ACVR1: variants seen among roughly 807,000 people sequenced by gnomAD.
ACVR1 encodes the protein activin A receptor type 1.
Under a neutral mutation model 57.1 loss-of-function variants are expected in ACVR1, and 38 were observed. The observed-to-expected ratio is 0.67, with a 90% CI of 0.51 to 0.87. The LOEUF (loss-of-function observed/expected upper bound fraction) is 0.87. Ranked by LOEUF, ACVR1 falls within the 40% of genes least tolerant of loss-of-function variation. The pLI, the probability that ACVR1 is intolerant of heterozygous loss-of-function variation, is 0.00. For synonymous variants in ACVR1, 212 were observed against 228.1 expected, an observed-to-expected ratio of 0.93 and a Z score of 0.63; for missense variants, 463 against 638.2, an observed-to-expected ratio of 0.73 and a Z score of 2.96.
At chr2:157,764,946 TA>T (rs1231296823) in intron 8 of ACVR1, among the ~76,000 whole-genome samples, 1 of 152,140 alleles carries the variant, frequency 6.6e-6, no homozygotes, top group East Asian at 1.9e-4. Context: ...CCCTTATGTT[TA>T]AAAACAAACA....
chr2:157,816,269 T>C (rs1396499376), intron 2 of ACVR1, among the ~76,000 whole-genome samples: 2 of 152,188 alleles, frequency 1.3e-5, no homozygotes, highest in African/African-American at 4.8e-5. Context: ...TATATATGGC[T>C]ATACTTTATA....
At chr2:157,773,822 TTC>T (rs1248553409) in intron 6 of ACVR1, among the ~76,000 whole-genome samples, 5 of 152,196 alleles carry the variant, frequency 3.3e-5, no homozygotes, top group African/African-American at 1.2e-4. Context: ...TTTTTGGGCA[TTC>T]TCTCATCATC....
At chr2:157,841,390 C>T (rs1272314036) in intron 1 of ACVR1, among the ~76,000 whole-genome samples, 2 of 152,138 alleles carry the variant, frequency 1.3e-5, no homozygotes, top group Admixed American at 1.3e-4. Flanking sequence ...GGGGGGAAGA[C>T]TTGCCCTGAC....
In ACVR1 at chr2:157,833,583, T is replaced by C. The variant is rs369196374; in HGVS notation, c.-182-15024A>G. Among the ~76,000 whole-genome samples the C allele has an allele frequency of 4.6e-5, 7 of 152,258 alleles. No individual in the cohort carries two copies. In the East Asian group the frequency reaches 9.6e-4, roughly 21 times the overall value. ...CACATATAAAAAGGAAATAAAACGT[T>C]AGCAATTGTCTCTGTTTACCATTCA... On this transcript the variant is annotated intron_variant, in intron 1 of 10. Transcript: ENST00000434821.
intron 9 of ACVR1, among the ~76,000 whole-genome samples, chr2:157,747,512 A>C (rs1480655448): frequency 6.6e-6 from 1 of 152,242 alleles, no homozygotes; most frequent in African/African-American, 2.4e-5. Context: ...AAGATTAAAA[A>C]AAATACGAAT....
In ACVR1 at chr2:157,847,405, T is replaced by G. The variant is rs886962522; in HGVS notation, c.-183+28391A>C. Among the ~76,000 whole-genome samples the G allele has an allele frequency of 2.6e-5, 4 of 152,184 alleles. No homozygotes were observed. In the South Asian group the frequency reaches 8.3e-4, roughly 32 times the overall value. ...TCAAAAAAAGCTACTCTCTTTTAAT[T>G]TTATGGCTAAGGGAGAAAAAAATTA... is the stretch of plus-strand genomic sequence containing the variant. On this transcript the variant is annotated intron_variant, in intron 1 of 10. Transcript: ENST00000434821.
chr2:157,869,269 A>C (rs1251774741), intron 1 of ACVR1, among the ~76,000 whole-genome samples: 1 of 152,214 alleles, frequency 6.6e-6, no homozygotes, highest in African/African-American at 2.4e-5. Context: ...ACACAGAAAA[A>C]ATAATCTGGC....
intron 7 of ACVR1, among the ~76,000 whole-genome samples, chr2:157,766,974 GAAGTA>G (rs1418214236): frequency 6.6e-6 from 1 of 152,198 alleles, no homozygotes; most frequent in Non-Finnish European, 1.5e-5. Context: ...AACTGGTCTT[GAAGTA>G]AAGTGAGTGA....
chr2:157,805,136 T>C (rs1048194248), intron 2 of ACVR1, among the ~76,000 whole-genome samples: 4 of 152,224 alleles, frequency 2.6e-5, no homozygotes, highest in African/African-American at 9.6e-5. Context: ...TTCTGAAAAC[T>C]AGACTTATGG....
chr2:157,822,553 C>T (rs1559077893), intron 1 of ACVR1, among the ~76,000 whole-genome samples: 1 of 152,072 alleles, frequency 6.6e-6, no homozygotes, highest in Non-Finnish European at 1.5e-5. Flanking sequence ...TTTGGATATC[C>T]AAAAACATTG....
intron 1 of ACVR1, among the ~76,000 whole-genome samples, chr2:157,835,287 G>A (rs185263974): frequency 4.9e-4 from 74 of 152,192 alleles, no homozygotes; most frequent in Non-Finnish European, 5.9e-5. Context: ...GGCCTCAGGA[G>A]CTAACTTAAT....
intron 1 of ACVR1, among the ~76,000 whole-genome samples, chr2:157,846,149 G>A (rs1322593372): frequency 1.3e-5 from 2 of 152,178 alleles, no homozygotes; most frequent in Non-Finnish European, 2.9e-5. Flanking sequence ...GTCCTTTTAA[G>A]AAAGAGACAA....
At chr2:157,777,715 A>G (rs1213549667) in intron 5 of ACVR1, among the ~76,000 whole-genome samples, 1 of 152,232 alleles carries the variant, frequency 6.6e-6, no homozygotes. Flanking sequence ...AAATTACAGG[A>G]TGCTGAAATA....
rs141521538 is a variant in ACVR1 at position 157,812,068 on chromosome 2, G to A, written c.-8+6317C>T. Among the ~76,000 whole-genome samples the A allele has an allele frequency of 1.2e-3, 184 of 152,282 alleles. 1 individual carries two copies. The highest frequency in any genetic ancestry group is 4.3e-3 in the African/African-American group (179 of 41,568). The stretch of plus-strand genomic sequence containing the variant: ...ACTGAATTTGAATCACAAAGTATCA[G>A]AATGAACTCATGAAGTATTTTATAA... On this transcript the variant is annotated intron_variant, in intron 2 of 10. Coordinates refer to ENST00000434821, the MANE Select transcript of ACVR1 (RefSeq NM_001111067.4).
chr2:157,820,774 C>T (rs1195354966), intron 1 of ACVR1, among the ~76,000 whole-genome samples: 1 of 152,124 alleles, frequency 6.6e-6, no homozygotes, highest in Non-Finnish European at 1.5e-5. Context: ...ATATGACGAA[C>T]AACCTAGCAC....
chr2:157,780,596 C>T lies in ACVR1; in HGVS notation c.72G>A (p.Glu24=). ...IALPSPSMED[E]KPKVNPKLYM... ...AGAGTTTGGGGTTGACCTTGGGCTT[C>T]TCATCTGCAAAGGAGAGAAAGGAAG... is the stretch of plus-strand genomic sequence containing the variant. The change falls in exon 4 of 11, where the codon GAG becomes GAA. Residue 24 remains glutamate (E), a synonymous_variant. Transcript: ENST00000434821. 6.2e-7 allele frequency: 1 copy of T among 1,612,214 alleles called. No homozygotes were observed. The highest frequency in any genetic ancestry group is 8.5e-7 in the Non-Finnish European group (1 of 1,179,688).
chr2:157,778,345 G>A lies in ACVR1; in HGVS notation c.332-3C>T, dbSNP rs772498769. 2 of 1,611,302 alleles carry A rather than the reference G, an allele frequency of 1.2e-6. No homozygotes were observed. Among genetic ancestry groups the A allele is most frequent in the African/African-American group, 2.7e-5 (2 of 74,838 alleles). On this transcript the variant is annotated splice_region_variant and splice_polypyrimidine_tract_variant and intron_variant, in intron 4 of 10. Coordinates refer to ENST00000434821, the MANE Select transcript of ACVR1 (RefSeq NM_001111067.4). ...CTGTGTTCCAGGGAAGGATTTTCCT[G>A]GAGTTGGAGGGAAAAGGGGGAATTA...
chr2:157,795,756 G>A (rs190926724), intron 3 of ACVR1, among the ~76,000 whole-genome samples: 12 of 151,524 alleles, frequency 7.9e-5, no homozygotes, highest in Admixed American at 5.9e-4. Context: ...AACAACCAAC[G>A]GCATGGTTAT....
At chr2:157,792,933 T>C (rs1472075600) in intron 3 of ACVR1, among the ~76,000 whole-genome samples, 1 of 152,192 alleles carries the variant, frequency 6.6e-6, no homozygotes, top group Non-Finnish European at 1.5e-5. Context: ...ACTATGGCTA[T>C]TAGGAATAAA....
Sources: allele counts gnomAD v4.1 joint callset (sites outside exome capture counted in the v4.1 genomes callset), GRCh38; gene constraint gnomAD v4.1.1; transcripts MANE v1.5; gene names NCBI Gene and HGNC (gene_info 2026-07-23, HGNC 2026-07-21).